Variants in SMTN observed in about 807,000 individuals in gnomAD.
SMTN encodes the protein smoothelin.
Under a neutral mutation model 102.0 loss-of-function variants are expected in SMTN, and 58 were observed. That is an observed-to-expected ratio of 0.57 (90% CI 0.46 to 0.71). SMTN has a LOEUF of 0.71. Ranked by LOEUF, SMTN falls within the 30% of genes least tolerant of loss-of-function variation. SMTN has a pLI of 0.00. For synonymous variants in SMTN, 478 were observed against 497.9 expected (o/e 0.96, Z 0.53); for missense variants, 1,185 against 1,241.7 (o/e 0.95, Z 0.69).
chr22:31,085,575 T>C (rs1055184050), intron 2 of SMTN, among the ~76,000 whole-genome samples: 1 of 152,126 alleles, frequency 6.6e-6, no homozygotes, highest in Non-Finnish European at 1.5e-5. Flanking sequence ...CCCGGGAGAA[T>C]TTCACTGGGC....
chr22:31,088,787 C>G lies in SMTN; in HGVS notation c.373+10C>G. The stretch of plus-strand genomic sequence containing the variant: ...GCTCAGGAGATTGAGGGTATGTGGC[C>G]TGTCCCGGCCCCACCCCTGCCCTGC... On this transcript the variant is annotated intron_variant, in intron 5 of 20. Transcript: ENST00000333137. 6.2e-7 allele frequency: 1 copy of G among 1,611,772 alleles called. No homozygotes were observed. Among genetic ancestry groups the G allele is most frequent in the Non-Finnish European group, 8.5e-7 (1 of 1,178,902 alleles).
chr22:31,080,154 G>A (rs972708412), upstream of SMTN, among the ~76,000 whole-genome samples: 1 of 152,212 alleles, frequency 6.6e-6, no homozygotes, highest in Non-Finnish European at 1.5e-5. Context: ...TCTCAGTGTG[G>A]AGACTGGGCC....
At position 31,095,827 on chromosome 22, in the gene SMTN, A is replaced by C. The variant is rs2043543400; in HGVS notation, c.1861+218A>C. On this transcript the variant is annotated intron_variant, in intron 13 of 20. Coordinates refer to ENST00000333137, the MANE Select transcript of SMTN (RefSeq NM_134269.3). This position sits in a 1 kb window ranked among gnomAD's most constrained non-coding sequence, Gnocchi z 4.1. Reference sequence around the variant, plus strand: ...GCTGGTGACCCCAGTTATTCTCCCCAACCAGCTTCTCTTCTCCTTCCTAGA... The same window carrying C: ...GCTGGTGACCCCAGTTATTCTCCCCCACCAGCTTCTCTTCTCCTTCCTAGA... 3.4e-6 allele frequency: 2 copies of C among 586,074 alleles called. No homozygotes were observed. The highest frequency in any genetic ancestry group is 6.1e-6 in the Non-Finnish European group (2 of 330,432). The allele number at this position is 586,074 out of a possible 1,614,324, so 36.3% of individuals were successfully genotyped here. A position where few individuals can be genotyped will look rare whatever the true frequency, so the allele number is the denominator to read the frequency against.
chr22:31,083,606 T>C, intron 2 of SMTN: 1 of 293,572 alleles, frequency 3.4e-6, no homozygotes, highest in Non-Finnish European at 6.5e-6. Flanking sequence ...GGAGGCTGGA[T>C]ATGCCTCTCC....
chr22:31,068,248 CA>C (rs1378971172), intron 1 of SMTN: 1 of 151,550 alleles, frequency 6.6e-6, no homozygotes, highest in African/African-American at 2.4e-5. Flanking sequence ...AGATTGCAGT[CA>C]GCCAAGACCG....
chr22:31,090,331 C>A (rs2043030003), intron 8 of SMTN, 151 bp downstream of exon 8: 1 of 637,288 alleles, frequency 1.6e-6, no homozygotes, highest in Non-Finnish European at 2.6e-6. Context: ...CCTGAAGTGT[C>A]CCCGCCCCCA....
rs116294143 is a variant in SMTN, at chr22:31,089,879, T to C, written c.652T>C (p.Leu218=). The C allele has an allele frequency of 9.3e-4, 1,497 of 1,613,744 alleles. 4 individuals carry two copies. Among genetic ancestry groups the C allele is most frequent in the Non-Finnish European group, 1.0e-3 (1,229 of 1,179,888 alleles). The change falls in exon 7 of 21, where the codon TTG becomes CTG. Residue 218 remains leucine (L), a synonymous_variant. Coordinates refer to ENST00000333137, the MANE Select transcript of SMTN (RefSeq NM_134269.3). ...SPTPASPEPP[L]EPAEAQCLTA... ...CACCCCTGCCTCTCCTGAGCCTCCA[T>C]TGGAGCCTGCCGAGGCCCAGTGCCT...
At chr22:31,078,072 C>CG (rs1485733492), upstream of SMTN, among the ~76,000 whole-genome samples, 1 of 152,212 alleles carries the variant, frequency 6.6e-6, no homozygotes, top group Non-Finnish European at 1.5e-5. Context: ...ATGCTGTTCC[C>CG]GTCTCCAGAA....
intron 18 of SMTN, 90 bp from the exon 19 acceptor site, chr22:31,099,655 G>A: frequency 1.4e-6 from 2 of 1,446,264 alleles, no homozygotes; most frequent in Non-Finnish European, 1.9e-6. Flanking sequence ...TGTGCCCAGT[G>A]CCCTAGGTCT....
Position 31,083,048 on chromosome 22 carries a change from C to T in SMTN, c.-80-131C>T, listed in dbSNP as rs1440609171. The T allele has an allele frequency of 2.1e-6, 3 of 1,429,782 alleles. No individual in the cohort carries two copies. In the South Asian group the frequency reaches 3.7e-5, roughly 18 times the overall value. The allele number at this position is 1,429,782 out of a possible 1,614,324, so 88.6% of individuals were successfully genotyped here. On this transcript the variant is annotated intron_variant, in intron 1 of 20. Transcript: ENST00000333137. ...CCCTAGGGCAGAGGGCAGCTTCCAG[C>T]CAGGAGCCACATTATAGGATGGGAC...
At position 31,099,029 on chromosome 22, in the gene SMTN, T is replaced by G; in HGVS notation, c.2334-33T>G. On this transcript the variant is annotated intron_variant, in intron 17 of 20. Transcript: ENST00000333137. ...GCCCACCGAGGCATGCCCCTTATAG[T>G]CGTGTGACCTGGTCCTGACACCGCC... is the stretch of plus-strand genomic sequence containing the variant. The G allele has an allele frequency of 1.9e-6, 3 of 1,592,486 alleles. No homozygotes were observed. In the South Asian group the frequency reaches 3.3e-5, roughly 18 times the overall value.
chr22:31,084,979 C>T, intron 2 of SMTN: 2 of 1,461,216 alleles, frequency 1.4e-6, no homozygotes, highest in South Asian at 1.4e-5. Context: ...AGGCCCGCTC[C>T]GCCCGCCCTG....
At chr22:31,091,882 C>A in intron 11 of SMTN, 35 bp downstream of exon 11, 1 of 1,517,658 alleles carries the variant, frequency 6.6e-7, no homozygotes, top group Non-Finnish European at 8.9e-7. Flanking sequence ...CCTCACCATC[C>A]GTCAGCCTCA....
In SMTN at chr22:31,083,204, C is replaced by T; in HGVS notation, c.-55C>T. On this transcript the variant is annotated 5_prime_UTR_variant, in exon 2 of 21. Coordinates refer to ENST00000333137, the MANE Select transcript of SMTN (RefSeq NM_134269.3). ...AATTCTCTGAGCTGGTGACAGGTGC[C>T]ACAGGCACTGGGGATCTCACCAGAA... 9 of 1,585,322 alleles carry T rather than the reference C, an allele frequency of 5.7e-6. No individual in the cohort carries two copies. Among genetic ancestry groups the T allele is most frequent in the Non-Finnish European group, 7.7e-6 (9 of 1,167,606 alleles).
rs1047123956 is a variant in SMTN at position 31,098,964 on chromosome 22, C to G, written c.2334-98C>G. 10 of 1,539,774 alleles carry G rather than the reference C, an allele frequency of 6.5e-6. No homozygotes were observed. In the East Asian group the frequency reaches 6.7e-5, roughly 10 times the overall value. On this transcript the variant is annotated intron_variant, in intron 17 of 20. Coordinates refer to ENST00000333137, the MANE Select transcript of SMTN (RefSeq NM_134269.3). The stretch of plus-strand genomic sequence containing the variant: ...CGGCTAGATCTGTGGTGCAAAGGCC[C>G]GAAGGTCATGGAAGGCGGGGCCTGG...
At chr22:31,090,222 C>T (rs756092609) in intron 8 of SMTN, 42 bp downstream of exon 8, 1 of 1,478,642 alleles carries the variant, frequency 6.8e-7, no homozygotes, top group Non-Finnish European at 9.2e-7. Context: ...TCTTTCTTCC[C>T]CTCCCCCTGC....
chr22:31,091,730 C>T lies in SMTN; in HGVS notation c.1515C>T (p.Gly505=), dbSNP rs1436429834. Residue 505 remains glycine (G), a synonymous_variant, in exon 11 of 21, where the codon GGC becomes GGT. Transcript: ENST00000333137. ...CCCTACTCAGCACCAGTAGTGGGGGCAAGAGCACCATCACCCGTGTCAACA... is the reference window on the plus strand; with the variant it reads ...CCCTACTCAGCACCAGTAGTGGGGGTAAGAGCACCATCACCCGTGTCAACA... ...PPTLLSTSSG[G]KSTITRVNSP... The T allele has an allele frequency of 6.2e-7, 1 of 1,612,540 alleles. No homozygotes were observed. The highest frequency in any genetic ancestry group is 8.5e-7 in the Non-Finnish European group (1 of 1,179,130).
intron 1 of SMTN, among the ~76,000 whole-genome samples, chr22:31,075,410 G>A (rs1362365330): frequency 2.6e-5 from 4 of 152,086 alleles, no homozygotes; most frequent in African/African-American, 4.8e-5. Context: ...GTCTTAGCCC[G>A]GCCAGGCGCG....
intron 19 of SMTN, 92 bp downstream of exon 19, chr22:31,099,988 G>C: frequency 7.7e-7 from 1 of 1,300,986 alleles, no homozygotes; most frequent in Non-Finnish European, 1.1e-6. Context: ...CCCTGGAGCG[G>C]GCCAGCCACA....
Sources: allele counts gnomAD v4.1 joint callset (sites outside exome capture counted in the v4.1 genomes callset), GRCh38; gene constraint gnomAD v4.1.1; non-coding constraint Gnocchi (gnomAD v3.1); transcripts MANE v1.5; gene names NCBI Gene and HGNC (gene_info 2026-07-23, HGNC 2026-07-21).